Variants in ZNF805 observed in about 807,000 individuals in gnomAD.
ZNF805 encodes the protein CTC-444N24.8.
A neutral mutation model predicts 13.6 loss-of-function variants in ZNF805; 7 were observed. That is an observed-to-expected ratio of 0.51 (90% CI 0.29 to 0.97). The LOEUF (loss-of-function observed/expected upper bound fraction) is 0.97. Among genes scored for constraint, ZNF805 ranks in the 50% least tolerant of loss-of-function variants. The probability of loss-of-function intolerance (pLI) is 0.08; values close to 1 mark genes in which losing one functional copy is unlikely to be tolerated. For synonymous variants in ZNF805, 293 were observed against 279.8 expected, an observed-to-expected ratio of 1.05 and a Z score of -0.47; for missense variants, 604 against 771.0, an observed-to-expected ratio of 0.78 and a Z score of 2.57.
intron 1 of ZNF805, among the ~76,000 whole-genome samples, chr19:57,242,261 G>A (rs994564154): frequency 1.3e-5 from 2 of 152,264 alleles, no homozygotes; most frequent in Non-Finnish European, 2.9e-5. Context: ...AAGCCCTGAG[G>A]TGAACTTTGC....
chr19:57,245,292 C>T (rs1283643138), intron 2 of ZNF805, among the ~76,000 whole-genome samples: 7 of 152,128 alleles, frequency 4.6e-5, no homozygotes, highest in Non-Finnish European at 8.8e-5. Flanking sequence ...TTTCACATGG[C>T]CGCCCCTTCT....
At position 57,254,933 on chromosome 19, in the gene ZNF805, G is replaced by A. The variant is rs74851517; in HGVS notation, c.*230G>A. 48,608 of 529,230 alleles carry A rather than the reference G, an allele frequency of 0.092. 2,675 individuals are homozygous for A. The highest frequency in any genetic ancestry group is 0.16 in the Admixed American group (4,268 of 27,182). The allele number at this position is 529,230 out of a possible 1,614,324, so 32.8% of individuals were successfully genotyped here. A position where few individuals can be genotyped will look rare whatever the true frequency, so the allele number is the denominator to read the frequency against. Reference sequence around the variant, plus strand: ...GACATAGAAAAGAAAATGAAATGCAGACACTGCTTTTATACTGTTGTCTTG... The same window carrying A: ...GACATAGAAAAGAAAATGAAATGCAAACACTGCTTTTATACTGTTGTCTTG... On this transcript the variant is annotated 3_prime_UTR_variant, in exon 4 of 4. Transcript: ENST00000414468.
chr19:57,241,591 C>G (rs1444269189), intron 1 of ZNF805, among the ~76,000 whole-genome samples: 6 of 151,902 alleles, frequency 3.9e-5, no homozygotes, highest in South Asian at 2.1e-4. Flanking sequence ...CTATGGCTGA[C>G]CACCTCTGTC....
intron 2 of ZNF805, among the ~76,000 whole-genome samples, chr19:57,244,449 G>C (rs1207367105): frequency 1.3e-5 from 2 of 151,802 alleles, no homozygotes; most frequent in Admixed American, 1.3e-4. Flanking sequence ...GACCTCAGGT[G>C]ATCCGCCCGC....
rs1406108819 is a variant in ZNF805 at position 57,259,825 on chromosome 19, C to G, written c.*5122C>G. Among the ~76,000 whole-genome samples, 1 of 152,128 alleles carries G rather than the reference C, an allele frequency of 6.6e-6. No homozygotes were observed. The highest frequency in any genetic ancestry group is 1.5e-5 in the Non-Finnish European group (1 of 68,010). Reference sequence around the variant, plus strand: ...CTGGCCTCCATTTGGTTCTTTTGTACATCTTTGATTTCTTTGCTTAGTTTA... The same window carrying G: ...CTGGCCTCCATTTGGTTCTTTTGTAGATCTTTGATTTCTTTGCTTAGTTTA... On this transcript the variant is annotated 3_prime_UTR_variant, in exon 4 of 4. Transcript: ENST00000414468.
chr19:57,248,296 CA>C (rs2087631272), intron 2 of ZNF805, among the ~76,000 whole-genome samples: 1 of 151,440 alleles, frequency 6.6e-6, no homozygotes, highest in Admixed American at 6.6e-5. Context: ...TAAAGTGTAT[CA>C]CTTTTTCTCT....
In ZNF805 at chr19:57,245,502, A is replaced by G. The variant is rs139380337; in HGVS notation, c.157+1453A>G. ...GTTGTTAAAACTAAGATGATGGGCC[A>G]GGTGCGATAGCTCATGCCTGTAATC... On this transcript the variant is annotated intron_variant, in intron 2 of 3. Coordinates refer to ENST00000414468, the MANE Select transcript of ZNF805 (RefSeq NM_001023563.4). Among the ~76,000 whole-genome samples the G allele has an allele frequency of 9.4e-3, 1,435 of 152,232 alleles. 23 individuals carry two copies. Among genetic ancestry groups the G allele is most frequent in the African/African-American group, 0.032 (1,333 of 41,488 alleles).
chr19:57,244,125 G>A, intron 2 of ZNF805, 76 bp downstream of exon 2: 1 of 1,533,012 alleles, frequency 6.5e-7, no homozygotes, highest in Non-Finnish European at 8.8e-7. Flanking sequence ...GGCCTGATGG[G>A]TCAAGAAGTC....
chr19:57,241,057 A>G (rs2087576837), intron 1 of ZNF805, 136 bp downstream of exon 1: 1 of 980,146 alleles, frequency 1.0e-6, no homozygotes, highest in Non-Finnish European at 1.5e-6. Flanking sequence ...CAGGCTCGTC[A>G]CTTAGTTTAT....
chr19:57,254,078 T>G lies in ZNF805; in HGVS notation c.1259T>G (p.Ile420Ser). The change falls in exon 4 of 4, where the codon ATT (isoleucine) becomes AGT (serine). Residue 420 changes from isoleucine (I) to serine (S), a missense_variant. By Grantham distance (142) the Ile-to-Ser change is moderately radical. Around this residue, in one of 3 missense-constraint regions of ZNF805, gnomAD observed 228 missense variants for 352.8 expected, o/e 0.65. Coordinates refer to ENST00000414468, the MANE Select transcript of ZNF805 (RefSeq NM_001023563.4). ...HRSYLKRHQR[I>S]HTGEKPYVCS... is the part of the protein sequence containing the mutation. Reference sequence around the variant, plus strand: ...TCCTACCTCAAAAGGCACCAGCGGATTCACACTGGGGAGAAGCCATATGTG... The same window carrying G: ...TCCTACCTCAAAAGGCACCAGCGGAGTCACACTGGGGAGAAGCCATATGTG... 6.2e-7 allele frequency: 1 copy of G among 1,613,384 alleles called. No homozygotes were observed. The highest frequency in any genetic ancestry group is 8.5e-7 in the Non-Finnish European group (1 of 1,179,780).
intron 1 of ZNF805, among the ~76,000 whole-genome samples, chr19:57,241,403 A>C (rs901678759): frequency 6.6e-6 from 1 of 152,076 alleles, no homozygotes; most frequent in African/African-American, 2.4e-5. Context: ...CAGCCTAACC[A>C]ATCACATACG....
In ZNF805 at chr19:57,261,930, C is replaced by T. The variant is rs1002016843; in HGVS notation, c.*7227C>T. 6.0e-6 allele frequency: 1 copy of T among 166,894 alleles called. No individual in the cohort carries two copies. Among genetic ancestry groups the T allele is most frequent in the Non-Finnish European group, 1.5e-5 (1 of 68,116 alleles). 10.3% of individuals were successfully genotyped at this position (166,894 alleles called of 1,614,324 possible). ...CACAGGATGTGCTTCATTGAAGCTC[C>T]ATCTGGGACTTAAAACAACACACGT... On this transcript the variant is annotated 3_prime_UTR_variant, in exon 4 of 4. Transcript: ENST00000414468.
At chr19:57,243,842 C>A (rs2087594474) in intron 1 of ZNF805, 81 bp from the exon 2 acceptor site, 1 of 1,601,740 alleles carries the variant, frequency 6.2e-7, no homozygotes, top group African/African-American at 1.3e-5. Context: ...TGACTTGGGC[C>A]TTGATCTTGT....
intron 3 of ZNF805, among the ~76,000 whole-genome samples, chr19:57,250,269 G>T (rs1387199944): frequency 6.6e-6 from 1 of 152,124 alleles, no homozygotes; most frequent in Non-Finnish European, 1.5e-5. Flanking sequence ...TTTTGCTCTT[G>T]TTGCCCAGGC....
Position 57,262,361 on chromosome 19 carries a change from A to AAAG in ZNF805, c.*7659_*7661dup, listed in dbSNP as rs2087729876. ...ACCATTGTAACCAAGAAAAAAAAAA[A>AAAG]AAGTCAGAGTCACAGTGAAAATACT... On this transcript the variant is annotated 3_prime_UTR_variant, in exon 4 of 4. Coordinates refer to ENST00000414468, the MANE Select transcript of ZNF805 (RefSeq NM_001023563.4). The AAAG allele has an allele frequency of 6.0e-6, 1 of 166,818 alleles. No homozygotes were observed. Among genetic ancestry groups the AAAG allele is most frequent in the Non-Finnish European group, 1.5e-5 (1 of 68,054 alleles). The allele number at this position is 166,818 out of a possible 1,614,324, so 10.3% of individuals were successfully genotyped here. A position where few individuals can be genotyped will look rare whatever the true frequency, so the allele number is the denominator to read the frequency against.
At position 57,256,858 on chromosome 19, in the gene ZNF805, C is replaced by T. The variant is rs1946035338; in HGVS notation, c.*2155C>T. On this transcript the variant is annotated 3_prime_UTR_variant, in exon 4 of 4. Transcript: ENST00000414468. Reference sequence around the variant, plus strand: ...CTACTTGCTCTGGTTGTATTTGACTCAGTGGTTTCCTGACGTGGATGTTTA... The same window carrying T: ...CTACTTGCTCTGGTTGTATTTGACTTAGTGGTTTCCTGACGTGGATGTTTA... Among the ~76,000 whole-genome samples the T allele has an allele frequency of 6.6e-6, 1 of 152,054 alleles. No homozygotes were observed. The highest frequency in any genetic ancestry group is 2.1e-4 in the South Asian group (1 of 4,828).
intron 2 of ZNF805, among the ~76,000 whole-genome samples, chr19:57,245,605 C>A (rs1344063508): frequency 2.0e-5 from 3 of 148,588 alleles, no homozygotes; most frequent in Non-Finnish European, 4.5e-5. Flanking sequence ...CGGTGCAACC[C>A]TGTCTCTACT....
In ZNF805 at chr19:57,257,722, T is replaced by C. The variant is rs1435953923; in HGVS notation, c.*3019T>C. Among the ~76,000 whole-genome samples, 4 of 141,186 alleles carry C rather than the reference T, an allele frequency of 2.8e-5. No individual in the cohort carries two copies. The highest frequency in any genetic ancestry group is 6.1e-5 in the Non-Finnish European group (4 of 65,152). The allele number at this position is 141,186 out of a possible 152,430, so 92.6% of individuals were successfully genotyped here. On this transcript the variant is annotated 3_prime_UTR_variant, in exon 4 of 4. Transcript: ENST00000414468. Reference sequence around the variant, plus strand: ...TCTTTTTTTTTTTTTTTTTTTTTTTTTGAGACGGAGTTTTGTTCTTGTTGC... The same window carrying C: ...TCTTTTTTTTTTTTTTTTTTTTTTTCTGAGACGGAGTTTTGTTCTTGTTGC...
intron 2 of ZNF805, among the ~76,000 whole-genome samples, chr19:57,245,449 A>G (rs983918671): frequency 1.3e-5 from 2 of 152,104 alleles, no homozygotes; most frequent in African/African-American, 4.8e-5. Flanking sequence ...GCTTCAGTGG[A>G]CACTGGGCAA....
Sources: gnomAD v4.1 joint callset for allele counts (sites outside exome capture counted in the v4.1 genomes callset) on GRCh38, gnomAD v4.1.1 for gene constraint, gnomAD v4.1.1 regional missense constraint, MANE v1.5 for transcripts, NCBI Gene and HGNC (gene_info 2026-07-23, HGNC 2026-07-21) for gene names.